The following MX1 variants were observed in gnomAD, a reference collection of about 807,000 sequenced individuals.
MX1 encodes interferon-induced GTP-binding protein Mx1.
A neutral mutation model predicts 66.4 loss-of-function variants in MX1; 66 were observed. The ratio of observed to expected loss-of-function variants is 0.99; its 90% CI spans 0.82 to 1.22. The LOEUF (loss-of-function observed/expected upper bound fraction) is 1.22, where lower values mean the gene tolerates loss of function less well. MX1 is among the 50% of genes most tolerant of loss of function. The pLI, the probability that MX1 is intolerant of heterozygous loss-of-function variation, is 0.00. For synonymous variants in MX1, 311 were observed against 318.1 expected, an observed-to-expected ratio of 0.98 and a Z score of 0.24; for missense variants, 787 against 834.3, an observed-to-expected ratio of 0.94 and a Z score of 0.70.
rs10693544 is a variant in MX1 at position 41,442,006 on chromosome 21, AGT to A, written c.929+110_929+111del. 7.6e-3 allele frequency: 6,685 copies of A among 883,088 alleles called. 1 individual carries two copies. Among genetic ancestry groups the A allele is most frequent in the East Asian group, 0.028 (966 of 34,150 alleles). 54.7% of individuals were successfully genotyped at this position (883,088 alleles called of 1,614,324 possible). A position where few individuals can be genotyped will look rare whatever the true frequency, so the allele number is the denominator to read the frequency against. On this transcript the variant is annotated intron_variant, in intron 10 of 16. Transcript: ENST00000398598. The stretch of plus-strand genomic sequence containing the variant: ...TGGCAGCCGTCCCACAGATGTGTGG[AGT>A]GTGTGTGTGTGTGTGTGCGTGTGTG...
intron 10 of MX1, 57 bp from the exon 11 acceptor site, chr21:41,443,731 C>T (rs2090580681): frequency 6.5e-7 from 1 of 1,546,250 alleles, no homozygotes; most frequent in Admixed American, 1.7e-5. Flanking sequence ...AGCAAAAAGG[C>T]AGACATGCGT....
intron 8 of MX1, 30 bp downstream of exon 8, chr21:41,439,878 C>A: frequency 6.3e-7 from 1 of 1,588,078 alleles, no homozygotes; most frequent in Non-Finnish European, 8.6e-7. Flanking sequence ...CTGACCTTGG[C>A]CGTGGCGTGG....
In MX1 at chr21:41,459,099, T is replaced by C. The variant is rs1185371276; in HGVS notation, c.*341T>C. Reference sequence around the variant, plus strand: ...ATGCTGAACATCACAGCTTATTTCCTCATTTTTATAATGTCCCTTCACAAA... The same window carrying C: ...ATGCTGAACATCACAGCTTATTTCCCCATTTTTATAATGTCCCTTCACAAA... On this transcript the variant is annotated 3_prime_UTR_variant, in exon 17 of 17. Coordinates refer to ENST00000398598, the MANE Select transcript of MX1 (RefSeq NM_002462.5). 1 of 385,532 alleles carries C rather than the reference T, an allele frequency of 2.6e-6. No individual in the cohort carries two copies. The highest frequency in any genetic ancestry group is 4.6e-5 in the East Asian group (1 of 21,918). 23.9% of individuals were successfully genotyped at this position (385,532 alleles called of 1,614,324 possible).
chr21:41,445,692 G>A lies in MX1; in HGVS notation c.1131+122G>A, dbSNP rs574926225. ...CTGATCCAAAGACATCTGGCCCGTA[G>A]CACTCAAAGGGTGGACAGGGCTGAG... On this transcript the variant is annotated intron_variant, in intron 12 of 16. Transcript: ENST00000398598. 18 of 1,364,694 alleles carry A rather than the reference G, an allele frequency of 1.3e-5. No individual in the cohort carries two copies. The East Asian group carries it at 1.6e-4, about 12-fold the overall frequency. The allele number at this position is 1,364,694 out of a possible 1,614,324, so 84.5% of individuals were successfully genotyped here.
upstream of MX1, among the ~76,000 whole-genome samples, chr21:41,424,037 T>C (rs1655571355): frequency 6.6e-6 from 1 of 152,168 alleles, no homozygotes; most frequent in Non-Finnish European, 1.5e-5. Context: ...CTCCCGCTGT[T>C]GGAAACAGCA....
chr21:41,432,126 C>G lies in MX1; in HGVS notation c.56C>G (p.Pro19Arg). ...AKADPAAASH[P>R]LLLNGDATVA... Reference sequence around the variant, plus strand: ...GCTGATCCAGCTGCTGCATCCCACCCTCTATTACTGAATGGAGATGCTACT... The same window carrying G: ...GCTGATCCAGCTGCTGCATCCCACCGTCTATTACTGAATGGAGATGCTACT... Residue 19 changes from proline (P) to arginine (R), a missense_variant, in exon 5 of 17, where the codon CCT becomes CGT. By Grantham distance (103) the Pro-to-Arg change is moderately radical. Transcript: ENST00000398598. 3.7e-6 allele frequency: 6 copies of G among 1,614,172 alleles called. No individual in the cohort carries two copies. The highest frequency in any genetic ancestry group is 5.1e-6 in the Non-Finnish European group (6 of 1,180,048).
At chr21:41,447,601 G>A (rs1369464013) in intron 13 of MX1, among the ~76,000 whole-genome samples, 11 of 152,214 alleles carry the variant, frequency 7.2e-5, no homozygotes, top group Non-Finnish European at 1.5e-5. Flanking sequence ...AAGCAGAATA[G>A]TGGCTGCCAG....
At chr21:41,450,605 A>G (rs1003220371) in intron 14 of MX1, among the ~76,000 whole-genome samples, 9 of 152,234 alleles carry the variant, frequency 5.9e-5, no homozygotes, top group African/African-American at 2.2e-4. Flanking sequence ...CCTTATAGTC[A>G]TAAAAATCAA....
intron 7 of MX1, among the ~76,000 whole-genome samples, chr21:41,438,705 T>C (rs1188953096): frequency 6.6e-6 from 1 of 152,196 alleles, no homozygotes; most frequent in Non-Finnish European, 1.5e-5. Context: ...CATACAGGGA[T>C]GGAAGGGAAT....
intron 16 of MX1, among the ~76,000 whole-genome samples, chr21:41,457,094 A>G (rs1173045641): frequency 6.6e-6 from 1 of 152,146 alleles, no homozygotes; most frequent in Admixed American, 6.5e-5. Context: ...ATAGGTGAAA[A>G]TGACATCTCA....
intron 14 of MX1, among the ~76,000 whole-genome samples, chr21:41,450,293 T>C (rs1391779351): frequency 6.6e-6 from 1 of 152,172 alleles, no homozygotes. Context: ...ATCCACTCCC[T>C]TCTTGAAATG....
chr21:41,446,849 C>T (rs907941010), intron 13 of MX1, among the ~76,000 whole-genome samples: 1 of 152,174 alleles, frequency 6.6e-6, no homozygotes, highest in African/African-American at 2.4e-5. Context: ...TAGACCATAG[C>T]AATGAGTCAA....
intron 14 of MX1, 95 bp downstream of exon 14, chr21:41,449,390 G>A (rs1310264409): frequency 1.5e-6 from 2 of 1,319,548 alleles, no homozygotes; most frequent in Admixed American, 4.8e-5. Flanking sequence ...TCCTCCTGGG[G>A]TGCATCCCAC....
chr21:41,433,234 C>T (rs1378514726), intron 5 of MX1, among the ~76,000 whole-genome samples: 1 of 152,240 alleles, frequency 6.6e-6, no homozygotes, highest in Admixed American at 6.5e-5. Context: ...CACTCTTAGA[C>T]CTGGTGAATT....
At chr21:41,457,968 C>T (rs1395062805) in intron 16 of MX1, among the ~76,000 whole-genome samples, 1 of 152,126 alleles carries the variant, frequency 6.6e-6, no homozygotes, top group Non-Finnish European at 1.5e-5. Context: ...GTATGATGTC[C>T]TCATCCAGGT....
intron 13 of MX1, among the ~76,000 whole-genome samples, chr21:41,447,120 A>T (rs1033829426): frequency 1.3e-5 from 2 of 152,146 alleles, no homozygotes; most frequent in Admixed American, 1.3e-4. Flanking sequence ...ACAGTTCTGG[A>T]GGCTGGAAGT....
In MX1 at chr21:41,441,227, A is replaced by T; in HGVS notation, c.730+202A>T. The T allele has an allele frequency of 1.4e-6, 1 of 693,460 alleles. No individual in the cohort carries two copies. The highest frequency in any genetic ancestry group is 2.3e-6 in the Non-Finnish European group (1 of 440,544). The allele number at this position is 693,460 out of a possible 1,614,324, so 43.0% of individuals were successfully genotyped here. On this transcript the variant is annotated intron_variant, in intron 9 of 16. Transcript: ENST00000398598. The surrounding 1 kb of genome is among the most constrained non-coding windows in gnomAD (Gnocchi z 4.0). Reference sequence around the variant, plus strand: ...TCTCCATGGGCTTTGCTCAGTGGGGACCTGCCTCCACTAAGACCTGCTAAG... The same window carrying T: ...TCTCCATGGGCTTTGCTCAGTGGGGTCCTGCCTCCACTAAGACCTGCTAAG...
chr21:41,434,528 G>A (rs576965829), intron 5 of MX1, among the ~76,000 whole-genome samples: 7 of 151,974 alleles, frequency 4.6e-5, no homozygotes, highest in South Asian at 2.1e-4. Context: ...TCCCCCTTTC[G>A]TCTTTTTCTG....
Position 41,445,478 on chromosome 21 carries a change from A to G in MX1, c.1039A>G (p.Lys347Glu). 1 of 1,614,112 alleles carries G rather than the reference A, an allele frequency of 6.2e-7. No individual in the cohort carries two copies. The highest frequency in any genetic ancestry group is 1.1e-5 in the South Asian group (1 of 91,086). The part of the protein sequence containing the change: ...KSLPLLENQI[K>E]ETHQRITEEL... ...TCTGCCCCTGTTAGAAAATCAAATC[A>G]AGGAGACTCACCAGAGAATAACAGA... The change falls in exon 12 of 17, where the codon AAG becomes GAG. Residue 347 changes from lysine to glutamate, a missense_variant. By Grantham distance (56) the Lys-to-Glu change is moderately conservative. Transcript: ENST00000398598.
Sources: allele counts gnomAD v4.1 joint callset (sites outside exome capture counted in the v4.1 genomes callset), GRCh38; gene constraint gnomAD v4.1.1; non-coding constraint Gnocchi (gnomAD v3.1); transcripts MANE v1.5; gene names NCBI Gene and HGNC (gene_info 2026-07-23, HGNC 2026-07-21).